The following GRK7 variants were observed in gnomAD, a reference collection of about 807,000 sequenced individuals.
GRK7 encodes rhodopsin kinase GRK7.
A neutral mutation model predicts 34.1 loss-of-function variants in GRK7; 24 were observed. That is an observed-to-expected ratio of 0.70 (90% CI 0.51 to 0.99). The LOEUF is 0.99. Ranked by LOEUF, GRK7 falls within the 50% of genes least tolerant of loss-of-function variation. The pLI, the probability that GRK7 is intolerant of heterozygous loss-of-function variation, is 0.00. For synonymous variants in GRK7, 256 were observed against 279.4 expected, an observed-to-expected ratio of 0.92 and a Z score of 0.84; for missense variants, 644 against 707.3, an observed-to-expected ratio of 0.91 and a Z score of 1.02.
At chr3:141,792,296 C>T (rs527292965) in intron 4 of GRK7, among the ~76,000 whole-genome samples, 34 of 149,812 alleles carry the variant, frequency 2.3e-4, no homozygotes, top group African/African-American at 7.9e-4. Context: ...CCCAGCTACT[C>T]GGGAGGCTGA....
intron 2 of GRK7, among the ~76,000 whole-genome samples, chr3:141,777,346 A>C (rs2084644610): frequency 2.1e-4 from 2 of 9,326 alleles, no homozygotes; most frequent in South Asian, 3.1e-3. Context: ...TTTTTTTGAG[A>C]CGGAGTCTCG....
intron 3 of GRK7, among the ~76,000 whole-genome samples, chr3:141,779,568 C>T (rs1272947861): frequency 6.6e-6 from 1 of 152,090 alleles, no homozygotes; most frequent in Admixed American, 6.6e-5. Flanking sequence ...TAACCATTAA[C>T]TGTTTTAAAA....
intron 5 of GRK7, among the ~76,000 whole-genome samples, chr3:141,815,054 A>C (rs1027815494): frequency 2.6e-5 from 4 of 151,364 alleles, no homozygotes; most frequent in Non-Finnish European, 5.9e-5. Context: ...CCTCCTGAGT[A>C]GCTGGGACTA....
intron 2 of GRK7, among the ~76,000 whole-genome samples, chr3:141,776,830 T>G (rs940751816): frequency 6.6e-6 from 1 of 152,208 alleles, no homozygotes; most frequent in Non-Finnish European, 1.5e-5. Flanking sequence ...TGTAAACACT[T>G]TGGCATAATA....
intron 4 of GRK7, among the ~76,000 whole-genome samples, chr3:141,805,054 A>G (rs1302927770): frequency 1.3e-5 from 1 of 75,468 alleles, no homozygotes; most frequent in African/African-American, 9.2e-5. Flanking sequence ...ACACACTCAT[A>G]TGCCCACACA....
chr3:141,787,526 A>T (rs1031532510), intron 4 of GRK7, among the ~76,000 whole-genome samples: 1 of 151,516 alleles, frequency 6.6e-6, no homozygotes, highest in African/African-American at 2.4e-5. Context: ...CAAGTGGCTG[A>T]GGCAGGAGAA....
chr3:141,754,416 C>T, the GRK7 span, among the ~76,000 whole-genome samples: 1 of 150,136 alleles, frequency 6.7e-6, no homozygotes, highest in African/African-American at 2.5e-5. Flanking sequence ...CGGTGAAGGG[C>T]TCCCCTCACC....
intron 4 of GRK7, among the ~76,000 whole-genome samples, chr3:141,782,812 GA>G (rs112938180): frequency 0.54 from 75,414 of 139,158 alleles, 20,005 homozygotes; most frequent in East Asian, 0.74. Flanking sequence ...CTTAAAAAAA[GA>G]AAAAAAAAAA....
intron 4 of GRK7, among the ~76,000 whole-genome samples, chr3:141,806,966 T>C (rs1029932953): frequency 6.6e-6 from 1 of 151,882 alleles, no homozygotes; most frequent in Admixed American, 6.6e-5. Flanking sequence ...AAAGTGAATA[T>C]GTATATATAT....
rs114507447 is a variant in GRK7 at position 141,803,945 on chromosome 3, A to G, written c.1051-3700A>G. The stretch of plus-strand genomic sequence containing the variant: ...CAGGCTGGTCTCAACTCCTGATCTC[A>G]TGATCCGCCCGCCTCAGCCTCACAA... On this transcript the variant is annotated intron_variant, in intron 4 of 5. Transcript: ENST00000682958. 8.9e-3 allele frequency among the ~76,000 whole-genome samples: 1,356 copies of G among 151,958 alleles called. 4 individuals carry two copies. Among genetic ancestry groups the G allele is most frequent in the Middle Eastern group, 0.021 (6 of 292 alleles).
At chr3:141,797,858 T>C (rs1710910388) in intron 4 of GRK7, among the ~76,000 whole-genome samples, 1 of 151,520 alleles carries the variant, frequency 6.6e-6, no homozygotes, top group South Asian at 2.1e-4. Flanking sequence ...AGGTGGAGGG[T>C]TGCTCGTGTC....
chr3:141,759,550 T>A (rs1275428241), upstream of GRK7, among the ~76,000 whole-genome samples: 2 of 137,800 alleles, frequency 1.5e-5, no homozygotes, highest in Non-Finnish European at 3.1e-5. Context: ...CTGCTGGATT[T>A]GGTTTGCCAG....
chr3:141,805,559 T>C (rs1711028632), intron 4 of GRK7, among the ~76,000 whole-genome samples: 1 of 152,184 alleles, frequency 6.6e-6, no homozygotes, highest in Non-Finnish European at 1.5e-5. Flanking sequence ...CCAAATTATA[T>C]ACCAGCTTCT....
At chr3:141,800,930 TATTA>T (rs1451613904) in intron 4 of GRK7, among the ~76,000 whole-genome samples, 11 of 152,332 alleles carry the variant, frequency 7.2e-5, no homozygotes, top group Non-Finnish European at 1.5e-4. Context: ...CGTTATTGTA[TATTA>T]ATTATGTATC....
At chr3:141,777,311 A>C (rs2084644040) in intron 2 of GRK7, among the ~76,000 whole-genome samples, 1 of 100,542 alleles carries the variant, frequency 9.9e-6, no homozygotes, top group African/African-American at 4.1e-5. Context: ...TTTTGGGTGG[A>C]GATGGCCCCT....
rs779975659 is a variant in GRK7, at chr3:141,780,359, T to C, written c.613-15T>C. ...CTACTTCTACCTCTTTCTCTTCTTT[T>C]CTTTCTCCTTTAAGGTATGTGCCGT... On this transcript the variant is annotated splice_polypyrimidine_tract_variant and intron_variant, in intron 3 of 5. Coordinates refer to ENST00000682958, the MANE Select transcript of GRK7 (RefSeq NM_139209.3). 2 of 1,607,016 alleles carry C rather than the reference T, an allele frequency of 1.2e-6. No individual in the cohort carries two copies. The highest frequency in any genetic ancestry group is 1.7e-6 in the Non-Finnish European group (2 of 1,175,828).
intron 5 of GRK7, among the ~76,000 whole-genome samples, chr3:141,812,778 A>G (rs987891286): frequency 6.6e-6 from 1 of 152,184 alleles, no homozygotes; most frequent in African/African-American, 2.4e-5. Flanking sequence ...TGGTCTGGCA[A>G]GTCTCCCGAG....
Position 141,765,318 on chromosome 3 carries a change from C to T in GRK7, c.-635C>T, listed in dbSNP as rs73872313. Among the ~76,000 whole-genome samples, 722 of 152,296 alleles carry T rather than the reference C, an allele frequency of 4.7e-3. 2 individuals carry two copies. The highest frequency in any genetic ancestry group is 0.017 in the African/African-American group (699 of 41,550). ...CTTACCTTCAGGAGGTCTTGACTCT[C>T]ATCATTTTCTCAATTCAGTCTTGCC... On this transcript the variant is annotated 5_prime_UTR_variant, in exon 1 of 6. Coordinates refer to ENST00000682958, the MANE Select transcript of GRK7 (RefSeq NM_139209.3).
At chr3:141,774,428 G>GA (rs1023118820) in intron 1 of GRK7, among the ~76,000 whole-genome samples, 152 bp from the exon 2 acceptor site, 2 of 149,520 alleles carry the variant, frequency 1.3e-5, no homozygotes, top group South Asian at 2.1e-4. Flanking sequence ...TCTCAAAAAA[G>GA]AAAAAAAAGA....
Sources: gnomAD v4.1 joint callset for allele counts (sites outside exome capture counted in the v4.1 genomes callset) on GRCh38, gnomAD v4.1.1 for gene constraint, MANE v1.5 for transcripts, NCBI Gene and HGNC (gene_info 2026-07-23, HGNC 2026-07-21) for gene names.